FGD4: variants seen among roughly 807,000 people sequenced by gnomAD.
FGD4 encodes FYVE, RhoGEF and PH domain-containing protein 4.
FGD4 carries 42 observed loss-of-function variants against 102.0 expected under a neutral mutation model. The observed-to-expected ratio is 0.41, with a 90% CI of 0.32 to 0.53. The LOEUF (loss-of-function observed/expected upper bound fraction) is 0.53. Ranked by LOEUF, FGD4 falls within the 20% of genes least tolerant of loss-of-function variation. The pLI, the probability that FGD4 is intolerant of heterozygous loss-of-function variation, is 0.21. For missense variants in FGD4, 902 were observed against 1,078.2 expected, an observed-to-expected ratio of 0.84 and a Z score of 2.29; for synonymous variants, 380 against 375.7, an observed-to-expected ratio of 1.01 and a Z score of -0.13.
At chr12:32,446,868 T>C (rs1461876951) in intron 1 of FGD4, among the ~76,000 whole-genome samples, 1 of 152,168 alleles carries the variant, frequency 6.6e-6, no homozygotes, top group Non-Finnish European at 1.5e-5. Flanking sequence ...GTTGATCTGG[T>C]TCCTGGAGCA....
intron 15 of FGD4, among the ~76,000 whole-genome samples, chr12:32,636,054 A>G (rs1190135403): frequency 1.3e-5 from 2 of 151,370 alleles, no homozygotes; most frequent in Non-Finnish European, 2.9e-5. Context: ...AGGATCTACT[A>G]ATAAGAATGG....
chr12:32,480,078 C>T (rs750162984), intron 1 of FGD4, among the ~76,000 whole-genome samples: 26 of 152,000 alleles, frequency 1.7e-4, no homozygotes, highest in Non-Finnish European at 2.2e-4. Context: ...AGACATGAAC[C>T]ACTACGCCCT....
At chr12:32,515,638 C>T (rs1163003108) in intron 1 of FGD4, among the ~76,000 whole-genome samples, 1 of 152,204 alleles carries the variant, frequency 6.6e-6, no homozygotes, top group Non-Finnish European at 1.5e-5. Context: ...CCCTCCTGTT[C>T]TTTTCAGATA....
chr12:32,449,106 ATCTC>A (rs921181608), intron 1 of FGD4, among the ~76,000 whole-genome samples: 3 of 152,242 alleles, frequency 2.0e-5, no homozygotes, highest in African/African-American at 7.2e-5. Context: ...TTCAAAAACT[ATCTC>A]AAATATACAG....
intron 11 of FGD4, among the ~76,000 whole-genome samples, chr12:32,622,655 C>T (rs2011859): frequency 2.5e-3 from 386 of 152,292 alleles, no homozygotes; most frequent in Middle Eastern, 3.4e-3. Flanking sequence ...TGCAATAGCA[C>T]GATCTTGGCT....
intron 1 of FGD4, among the ~76,000 whole-genome samples, chr12:32,415,329 G>T (rs570715935): frequency 1.5e-4 from 23 of 148,438 alleles, no homozygotes; most frequent in African/African-American, 5.7e-4. Flanking sequence ...ATATTTCCTT[G>T]TTTATTTTCT....
At chr12:32,461,937 T>C (rs1413292441) in intron 1 of FGD4, among the ~76,000 whole-genome samples, 1 of 151,928 alleles carries the variant, frequency 6.6e-6, no homozygotes, top group Non-Finnish European at 1.5e-5. Flanking sequence ...ATCTTGGCCA[T>C]GCTGGTCTTG....
chr12:32,442,140 G>A (rs1000298878), intron 1 of FGD4, among the ~76,000 whole-genome samples: 9 of 148,516 alleles, frequency 6.1e-5, no homozygotes, highest in African/African-American at 1.5e-4. Flanking sequence ...TGCAACCTCC[G>A]CCTCCTGGGT....
intron 1 of FGD4, among the ~76,000 whole-genome samples, chr12:32,411,498 C>T (rs1408545790): frequency 6.6e-6 from 1 of 151,810 alleles, no homozygotes; most frequent in Admixed American, 6.6e-5. Context: ...CGCGCCGCCA[C>T]ACTCCAGCCT....
In FGD4 at chr12:32,642,055, A is replaced by G. The variant is rs920703494; in HGVS notation, c.*1522A>G. On this transcript the variant is annotated 3_prime_UTR_variant, in exon 17 of 17. Transcript: ENST00000534526. ...ATAGAATAGAATTTGAGACTGCCAC[A>G]CATTTATTCAGGCCTTGTTACTTTA... 2.0e-5 allele frequency: 3 copies of G among 152,142 alleles called. No individual in the cohort carries two copies. Among genetic ancestry groups the G allele is most frequent in the Non-Finnish European group, 2.9e-5 (2 of 67,976 alleles). The allele number at this position is 152,142 out of a possible 1,614,324, so 9.4% of individuals were successfully genotyped here. A position where few individuals can be genotyped will look rare whatever the true frequency, so the allele number is the denominator to read the frequency against.
intron 15 of FGD4, among the ~76,000 whole-genome samples, chr12:32,636,675 C>CCT (rs1189329778): frequency 6.7e-6 from 1 of 149,438 alleles, no homozygotes; most frequent in Non-Finnish European, 1.5e-5. Context: ...AATACTTACT[C>CCT]CTACTTTGTG....
chr12:32,443,925 C>T (rs1431562994), intron 1 of FGD4, among the ~76,000 whole-genome samples: 1 of 151,568 alleles, frequency 6.6e-6, no homozygotes, highest in African/African-American at 2.4e-5. Flanking sequence ...TTTAAAAAAT[C>T]GACAGATTTA....
intron 1 of FGD4, among the ~76,000 whole-genome samples, chr12:32,483,880 A>G (rs1158765922): frequency 6.6e-6 from 1 of 152,168 alleles, no homozygotes; most frequent in Non-Finnish European, 1.5e-5. Flanking sequence ...CAGTATATGA[A>G]CATACTGTGT....
At chr12:32,526,269 C>T (rs1049059313) in intron 1 of FGD4, among the ~76,000 whole-genome samples, 3 of 152,166 alleles carry the variant, frequency 2.0e-5, no homozygotes, top group Non-Finnish European at 4.4e-5. Flanking sequence ...CTGGTGAGGA[C>T]GTGGAGAACC....
At chr12:32,612,313 T>C (rs1219218242) in intron 10 of FGD4, among the ~76,000 whole-genome samples, 1 of 152,228 alleles carries the variant, frequency 6.6e-6, no homozygotes, top group Non-Finnish European at 1.5e-5. Context: ...GACCCTGTGC[T>C]CGCTCATTCA....
chr12:32,582,606 C>T, intron 4 of FGD4, 139 bp downstream of exon 4: 1 of 1,120,704 alleles, frequency 8.9e-7, no homozygotes, highest in South Asian at 1.4e-5. Context: ...CAAGCTCTGG[C>T]TGCTGATTAG....
intron 1 of FGD4, among the ~76,000 whole-genome samples, chr12:32,490,559 C>T (rs558608719): frequency 3.9e-4 from 59 of 151,772 alleles, no homozygotes; most frequent in South Asian, 4.2e-4. Flanking sequence ...CCACCATGCC[C>T]GGCTAATTTT....
chr12:32,412,611 TTTG>T (rs928239816), intron 1 of FGD4, among the ~76,000 whole-genome samples: 9 of 152,248 alleles, frequency 5.9e-5, no homozygotes, highest in South Asian at 4.2e-4. Context: ...CCCTTTTTGT[TTTG>T]TTGTTGTTGT....
At chr12:32,523,691 T>C (rs1190607724) in intron 1 of FGD4, among the ~76,000 whole-genome samples, 4 of 152,252 alleles carry the variant, frequency 2.6e-5, no homozygotes, top group Non-Finnish European at 5.9e-5. Flanking sequence ...TACATAGCTC[T>C]GGGCCGGGTG....
Sources: allele counts gnomAD v4.1 joint callset (sites outside exome capture counted in the v4.1 genomes callset), GRCh38; gene constraint gnomAD v4.1.1; transcripts MANE v1.5; gene names NCBI Gene and HGNC (gene_info 2026-07-23, HGNC 2026-07-21).